The following SGCD variants were observed in gnomAD, a reference collection of about 807,000 sequenced individuals.
SGCD encodes the protein delta-sarcoglycan.
SGCD carries 18 observed loss-of-function variants against 36.6 expected under a neutral mutation model. The ratio of observed to expected loss-of-function variants is 0.49; its 90% CI spans 0.34 to 0.73. SGCD has a LOEUF of 0.73. Ranked by LOEUF, SGCD falls within the 30% of genes least tolerant of loss-of-function variation. The probability of loss-of-function intolerance (pLI) is 0.01; values close to 1 mark genes in which losing one functional copy is unlikely to be tolerated. For missense variants in SGCD, 387 were observed against 346.7 expected, an observed-to-expected ratio of 1.12 and a Z score of -0.92; for synonymous variants, 133 against 130.6, an observed-to-expected ratio of 1.02 and a Z score of -0.12.
chr5:156,671,128 T>A (rs557667685), intron 7 of SGCD, among the ~76,000 whole-genome samples: 2 of 152,074 alleles, frequency 1.3e-5, no homozygotes, highest in South Asian at 4.2e-4. Context: ...TTTTTCTTTT[T>A]GAGTCTATTA....
At chr5:156,587,575 G>T (rs2113362482) in intron 4 of SGCD, among the ~76,000 whole-genome samples, 1 of 152,286 alleles carries the variant, frequency 6.6e-6, no homozygotes, top group Non-Finnish European at 1.5e-5. Flanking sequence ...GGTGTTGGCT[G>T]CCATTCTGCC....
chr5:156,082,127 A>G (rs976716008), intron 1 of SGCD, among the ~76,000 whole-genome samples: 1 of 152,164 alleles, frequency 6.6e-6, no homozygotes, highest in Non-Finnish European at 1.5e-5. Flanking sequence ...ATGAAAAATC[A>G]GAAAAGGGAC....
intron 4 of SGCD, among the ~76,000 whole-genome samples, chr5:156,573,448 G>A (rs1320550248): frequency 6.6e-6 from 1 of 152,178 alleles, no homozygotes; most frequent in Non-Finnish European, 1.5e-5. Flanking sequence ...CATGGACTTA[G>A]TGTTTCATGT....
intron 3 of SGCD, among the ~76,000 whole-genome samples, chr5:156,162,355 C>T (rs78920533): frequency 0.037 from 5,546 of 151,296 alleles, 530 homozygotes; most frequent in African/African-American, 0.13. Context: ...GTCAGAGACT[C>T]TGTGTTATGA....
chr5:155,914,864 C>G (rs1756704907), intron 1 of SGCD, among the ~76,000 whole-genome samples: 1 of 152,154 alleles, frequency 6.6e-6, no homozygotes, highest in African/African-American at 2.4e-5. Flanking sequence ...GCTTTGAAAT[C>G]ATGCAATTCT....
chr5:155,811,997 C>T, the SGCD span, among the ~76,000 whole-genome samples: 13,953 of 152,166 alleles, frequency 0.092, 816 homozygotes, highest in South Asian at 0.2. Context: ...AGCCTTAAAA[C>T]GGAAACACAG....
chr5:156,100,328 G>A (rs2127596511), intron 1 of SGCD, among the ~76,000 whole-genome samples: 1 of 152,154 alleles, frequency 6.6e-6, no homozygotes, highest in East Asian at 1.9e-4. Context: ...GGCATATGGT[G>A]TTTTATACTT....
chr5:155,893,665 A>G (rs1484267605), intron 1 of SGCD, among the ~76,000 whole-genome samples: 1 of 152,248 alleles, frequency 6.6e-6, no homozygotes, highest in Non-Finnish European at 1.5e-5. Context: ...TTCTTTATTA[A>G]TAAAATAGGA....
chr5:156,223,960 A>T (rs564342166), intron 3 of SGCD, among the ~76,000 whole-genome samples: 2 of 151,982 alleles, frequency 1.3e-5, no homozygotes, highest in South Asian at 4.2e-4. Context: ...AATGAATCCA[A>T]TTATGATCTA....
intron 1 of SGCD, among the ~76,000 whole-genome samples, chr5:155,920,196 A>AT (rs1346303225): frequency 6.6e-6 from 1 of 152,088 alleles, no homozygotes; most frequent in African/African-American, 2.4e-5. Flanking sequence ...TGGAGAGGAG[A>AT]TTTTTTCCTA....
intron 3 of SGCD, among the ~76,000 whole-genome samples, chr5:156,173,603 C>T (rs971082689): frequency 6.6e-6 from 1 of 152,098 alleles, no homozygotes; most frequent in Non-Finnish European, 1.5e-5. Context: ...CATAAGTTAT[C>T]ATTTTTACAT....
At chr5:155,895,503 T>C (rs79139407) in intron 1 of SGCD, among the ~76,000 whole-genome samples, 1 of 152,318 alleles carries the variant, frequency 6.6e-6, no homozygotes, top group African/African-American at 2.4e-5. Context: ...AGCCAGGGGT[T>C]CATGAAATAA....
At chr5:155,828,651 C>T in the SGCD span, among the ~76,000 whole-genome samples, 4 of 151,936 alleles carry the variant, frequency 2.6e-5, no homozygotes, top group East Asian at 3.9e-4. Context: ...TATTACTGGT[C>T]TGACTCAAAT....
intron 6 of SGCD, among the ~76,000 whole-genome samples, chr5:156,609,961 G>T (rs1275263061): frequency 6.6e-6 from 1 of 151,992 alleles, no homozygotes; most frequent in African/African-American, 2.4e-5. Flanking sequence ...TTTTTTTCGA[G>T]GTTTTTAACT....
At chr5:155,871,684 C>G (rs190566691) in intron 1 of SGCD, among the ~76,000 whole-genome samples, 1 of 151,974 alleles carries the variant, frequency 6.6e-6, no homozygotes. Context: ...GAAAGGAGGA[C>G]AGAAATGTGA....
chr5:155,844,399 G>A, the SGCD span, among the ~76,000 whole-genome samples: 107 of 148,288 alleles, frequency 7.2e-4, 1 homozygote, highest in South Asian at 4.7e-3. Flanking sequence ...GTTAATTGCC[G>A]CCAGAGGGTG....
intron 3 of SGCD, among the ~76,000 whole-genome samples, chr5:156,309,470 G>T (rs1488107876): frequency 2.0e-5 from 3 of 151,392 alleles, no homozygotes; most frequent in Non-Finnish European, 4.4e-5. Flanking sequence ...TTCATTTCAG[G>T]TATTATACAT....
At chr5:155,815,423 C>T in the SGCD span, among the ~76,000 whole-genome samples, 1 of 152,148 alleles carries the variant, frequency 6.6e-6, no homozygotes, top group Non-Finnish European at 1.5e-5. Context: ...TTTGAGCTAT[C>T]CATTATCCTA....
chr5:156,308,389 C>T (rs1767293582), intron 3 of SGCD, among the ~76,000 whole-genome samples: 1 of 152,122 alleles, frequency 6.6e-6, no homozygotes, highest in African/African-American at 2.4e-5. Flanking sequence ...AGCTCCGCCT[C>T]CCGGGTTCAC....
Sources: allele counts gnomAD v4.1 joint callset (sites outside exome capture counted in the v4.1 genomes callset), GRCh38; gene constraint gnomAD v4.1.1; transcripts MANE v1.5; gene names NCBI Gene and HGNC (gene_info 2026-07-23, HGNC 2026-07-21).